Variants in ACACB observed in about 807,000 individuals in gnomAD.
ACACB encodes acetyl-CoA carboxylase beta.
ACACB carries 209 observed loss-of-function variants against 278.8 expected under a neutral mutation model. The observed-to-expected ratio is 0.75, with a 90% confidence interval of 0.67 to 0.84. The LOEUF is 0.84. Among genes scored for constraint, ACACB ranks in the 40% least tolerant of loss-of-function variants. The pLI is 0.00. For missense variants in ACACB, 2,850 were observed against 3,269.0 expected (o/e 0.87, Z 3.13); for synonymous variants, 1,174 against 1,285.6 (o/e 0.91, Z 1.86).
At chr12:109,256,536 C>A (rs2047228963) in intron 45 of ACACB, among the ~76,000 whole-genome samples, 1 of 152,194 alleles carries the variant, frequency 6.6e-6, no homozygotes, top group African/African-American at 2.4e-5. Flanking sequence ...TTCACAGACA[C>A]TGGCACTCTG....
chr12:109,220,801 C>T (rs2046137524), intron 24 of ACACB, among the ~76,000 whole-genome samples: 1 of 152,156 alleles, frequency 6.6e-6, no homozygotes, highest in African/African-American at 2.4e-5. Context: ...ATGATTTGTC[C>T]GCCTTGGCCT....
At chr12:109,228,774 C>T (rs917677762) in intron 28 of ACACB, among the ~76,000 whole-genome samples, 1 of 151,908 alleles carries the variant, frequency 6.6e-6, no homozygotes, top group African/African-American at 2.4e-5. Context: ...TTCTAGTAGA[C>T]AATGCCACCC....
At chr12:109,205,562 G>T (rs1359518821) in intron 19 of ACACB, among the ~76,000 whole-genome samples, 2 of 151,890 alleles carry the variant, frequency 1.3e-5, no homozygotes, top group Non-Finnish European at 2.9e-5. Flanking sequence ...TGATTCTCCT[G>T]CCTCAGCCTC....
chr12:109,150,171 C>T (rs1188070820), intron 2 of ACACB, among the ~76,000 whole-genome samples: 2 of 152,178 alleles, frequency 1.3e-5, no homozygotes, highest in African/African-American at 4.8e-5. Context: ...GGATTCAGAC[C>T]TCTCCTGTTA....
intron 24 of ACACB, among the ~76,000 whole-genome samples, chr12:109,220,689 C>T (rs2046134719): frequency 6.6e-6 from 1 of 152,028 alleles, no homozygotes; most frequent in South Asian, 2.1e-4. Context: ...GTAGCTGGGA[C>T]TACAGGCACG....
intron 1 of ACACB, among the ~76,000 whole-genome samples, chr12:109,137,099 G>A (rs2042982676): frequency 6.6e-6 from 1 of 152,090 alleles, no homozygotes; most frequent in South Asian, 2.1e-4. Context: ...GGATGATCAT[G>A]TGGTTTTTTT....
intron 9 of ACACB, among the ~76,000 whole-genome samples, chr12:109,177,760 T>A (rs1032131165): frequency 6.6e-6 from 1 of 152,350 alleles, no homozygotes; most frequent in Admixed American, 6.5e-5. Context: ...TTTGCACCAA[T>A]GTCCCTTTCC....
chr12:109,252,905 TG>T, intron 42 of ACACB, 109 bp from the exon 43 acceptor site: 1 of 1,109,660 alleles, frequency 9.0e-7, no homozygotes, highest in Non-Finnish European at 1.2e-6. Flanking sequence ...TGAAATCTCC[TG>T]GGTGATTCTA....
chr12:109,227,274 G>T, intron 27 of ACACB, 97 bp from the exon 28 acceptor site: 1 of 1,062,058 alleles, frequency 9.4e-7, no homozygotes, highest in Non-Finnish European at 1.4e-6. Flanking sequence ...TATTTTAGAG[G>T]TCATTTCTGG....
intron 2 of ACACB, among the ~76,000 whole-genome samples, chr12:109,157,091 C>T (rs2043564738): frequency 6.6e-6 from 1 of 151,926 alleles, no homozygotes; most frequent in African/African-American, 2.4e-5. Context: ...ATAATATGGA[C>T]ATACTTTGTT....
At chr12:109,238,296 AG>A (rs1260836346) in intron 34 of ACACB, among the ~76,000 whole-genome samples, 2 of 147,528 alleles carry the variant, frequency 1.4e-5, no homozygotes, top group Non-Finnish European at 3.0e-5. Flanking sequence ...GTTAATAAAG[AG>A]TGGTCCACCA....
At chr12:109,205,454 C>CTT (rs112616443) in intron 19 of ACACB, among the ~76,000 whole-genome samples, 241 of 143,118 alleles carry the variant, frequency 1.7e-3, no homozygotes, top group African/African-American at 5.7e-3. Flanking sequence ...CTCAAGTCAG[C>CTT]TTTTTTTTTT....
At chr12:109,119,986 G>A (rs2042505002) in intron 1 of ACACB, among the ~76,000 whole-genome samples, 1 of 152,172 alleles carries the variant, frequency 6.6e-6, no homozygotes, top group African/African-American at 2.4e-5. Flanking sequence ...GAGTGAAGGT[G>A]ATATCAGAGG....
intron 9 of ACACB, 145 bp from the exon 10 acceptor site, chr12:109,178,943 C>T (rs2044366573): frequency 1.3e-6 from 1 of 787,884 alleles, no homozygotes; most frequent in Non-Finnish European, 2.0e-6. Flanking sequence ...GTCTGTGAGA[C>T]AACAAAAGTA....
chr12:109,194,189 T>TGTTGTTG (rs975944786), intron 16 of ACACB, among the ~76,000 whole-genome samples: 8 of 150,368 alleles, frequency 5.3e-5, no homozygotes, highest in African/African-American at 2.0e-4. Context: ...GTTTTTTTTT[T>TGTTGTTG]TTGTTGTTGT....
chr12:109,198,907 GC>G (rs1474386019), intron 17 of ACACB, among the ~76,000 whole-genome samples: 1 of 151,858 alleles, frequency 6.6e-6, no homozygotes, highest in Non-Finnish European at 1.5e-5. Context: ...CACAGCCTTG[GC>G]CAGGCACAGT....
At chr12:109,233,297 T>G (rs1455876330) in intron 29 of ACACB, among the ~76,000 whole-genome samples, 1 of 152,228 alleles carries the variant, frequency 6.6e-6, no homozygotes, top group African/African-American at 2.4e-5. Flanking sequence ...ACTGTTATAG[T>G]CTTTTTTCAG....
intron 6 of ACACB, among the ~76,000 whole-genome samples, chr12:109,173,902 C>G (rs1008964647): frequency 6.6e-6 from 1 of 152,216 alleles, no homozygotes; most frequent in Non-Finnish European, 1.5e-5. Context: ...TTGTAACTCA[C>G]AACAGGTTTA....
upstream of ACACB, chr12:109,116,494 C>G (rs1163221115): frequency 5.3e-5 from 8 of 152,244 alleles, no homozygotes. Flanking sequence ...CTCATCTTTG[C>G]CCCGGGTTGT....
Sources: gnomAD v4.1 joint callset for allele counts (sites outside exome capture counted in the v4.1 genomes callset) on GRCh38, gnomAD v4.1.1 for gene constraint, MANE v1.5 for transcripts, NCBI Gene and HGNC (gene_info 2026-07-23, HGNC 2026-07-21) for gene names.